Variants in NPHS1 observed in about 807,000 individuals in gnomAD.
NPHS1 encodes NPHS1 adhesion molecule, nephrin, also known as nephrin.
In NPHS1, 107 loss-of-function variants were observed where a neutral mutation model predicts 139.7. The observed-to-expected ratio is 0.77, with a 90% CI of 0.66 to 0.90. NPHS1 has a LOEUF of 0.90. Ranked by LOEUF, NPHS1 falls within the 40% of genes least tolerant of loss-of-function variation. The pLI is 0.00. For missense variants in NPHS1, 1,580 were observed against 1,654.2 expected (o/e 0.96, Z 0.78); for synonymous variants, 707 against 706.6 (o/e 1.00, Z -0.01).
At chr19:35,843,767 TC>T in intron 16 of NPHS1, 174 bp from the exon 17 acceptor site, 1 of 752,694 alleles carries the variant, frequency 1.3e-6, no homozygotes, top group Non-Finnish European at 2.1e-6. Context: ...TGAGGTTGTC[TC>T]CACCCTCCAC....
In NPHS1 at chr19:35,845,445, C is replaced by T. The variant is rs762869410; in HGVS notation, c.1853G>A (p.Gly618Asp). ...GTGGGCGCGGCAGGTCACGCGCTGG[C>T]CATGATCGCGGGATGACACTTGCAG... ...VLLQVSSRDHGQRVTCRAHSA... is the reference protein window; with the variant it reads ...VLLQVSSRDHDQRVTCRAHSA... Residue 618 changes from glycine (G) to aspartate (D), a missense_variant, in exon 14 of 29, where the codon GGC becomes GAC. Physicochemically the swap from Gly to Asp is moderately conservative, Grantham distance 94. Coordinates refer to ENST00000378910, the MANE Select transcript of NPHS1 (RefSeq NM_004646.4). The surrounding 1 kb of genome is among the most constrained non-coding windows in gnomAD (Gnocchi z 5.5). 3.7e-6 allele frequency: 6 copies of T among 1,614,176 alleles called. No individual in the cohort carries two copies. In the South Asian group the frequency reaches 5.5e-5, roughly 15 times the overall value.
At chr19:35,830,354 A>C (rs1013334930) in intron 28 of NPHS1, among the ~76,000 whole-genome samples, 11 of 152,318 alleles carry the variant, frequency 7.2e-5, no homozygotes, top group Admixed American at 5.9e-4. Flanking sequence ...TGGCTCATTC[A>C]TGTAGACTCG....
At position 35,848,329 on chromosome 19, in the gene NPHS1, C is replaced by A. The variant is rs1568455667; in HGVS notation, c.1239G>T (p.Leu413=). ...CACTGAAGGCCTCACATGTGAGGGT[C>A]AGACCGTTGTCCTCCCGCCGCGCCA... ...TFLARREDNG[L]TLTCEAFSEA... Residue 413 remains leucine, a synonymous_variant, in exon 10 of 29, where the codon CTG becomes CTT. Coordinates refer to ENST00000378910, the MANE Select transcript of NPHS1 (RefSeq NM_004646.4). 1 of 1,614,120 alleles carries A rather than the reference C, an allele frequency of 6.2e-7. No individual in the cohort carries two copies. The highest frequency in any genetic ancestry group is 1.1e-5 in the South Asian group (1 of 91,070).
At chr19:35,838,089 T>C (rs1344856250) in intron 22 of NPHS1, among the ~76,000 whole-genome samples, 3 of 150,314 alleles carry the variant, frequency 2.0e-5, no homozygotes, top group Admixed American at 6.7e-5. Flanking sequence ...CTGTCTCTAC[T>C]AAAAAATACA....
At position 35,839,558 on chromosome 19, in the gene NPHS1, G is replaced by A; in HGVS notation, c.2865C>T (p.His955=). Residue 955 remains histidine (H), a synonymous_variant, in exon 21 of 29, where the codon CAC becomes CAT. Coordinates refer to ENST00000378910, the MANE Select transcript of NPHS1 (RefSeq NM_004646.4). The part of the protein sequence containing the change: ...SGLKVVSLTP[H]SVGLEWKPGF... ...CAGGCTTCCACTCCAGCCCCACGGA[G>A]TGTGGGGTCAGACTCACAACCTTTA... 2 of 1,614,204 alleles carry A rather than the reference G, an allele frequency of 1.2e-6. No individual in the cohort carries two copies. The highest frequency in any genetic ancestry group is 1.1e-5 in the South Asian group (1 of 91,080).
chr19:35,832,404 C>T (rs1972896479), intron 23 of NPHS1, among the ~76,000 whole-genome samples: 1 of 152,034 alleles, frequency 6.6e-6, no homozygotes, highest in African/African-American at 2.4e-5. Context: ...AATTTAGCAG[C>T]ATGGTGGTGC....
At chr19:35,850,025 C>T (rs1568456676) in intron 5 of NPHS1, among the ~76,000 whole-genome samples, 2 of 152,216 alleles carry the variant, frequency 1.3e-5, no homozygotes, top group Non-Finnish European at 2.9e-5. Context: ...AAGTGATTCT[C>T]CTGCCTCAGC....
chr19:35,829,141 C>T (rs1382236308), intron 28 of NPHS1, among the ~76,000 whole-genome samples: 1 of 152,228 alleles, frequency 6.6e-6, no homozygotes, highest in Non-Finnish European at 1.5e-5. Flanking sequence ...TACTCTCAGC[C>T]CAGTGACCTG....
intron 23 of NPHS1, among the ~76,000 whole-genome samples, chr19:35,833,871 T>C (rs1053702886): frequency 6.6e-6 from 1 of 152,100 alleles, no homozygotes; most frequent in Non-Finnish European, 1.5e-5. Context: ...TAATTTTTTT[T>C]GTTTTTGTTT....
At position 35,825,651 on chromosome 19, in the gene NPHS1, T is replaced by C. The variant is rs965678751; in HGVS notation, c.*863A>G. ...TCTATAAACGAAAGCACACACACAG[T>C]ACATATTCTTTTCCTCTAGCTTCTT... On this transcript the variant is annotated 3_prime_UTR_variant, in exon 29 of 29. Transcript: ENST00000378910. Among the ~76,000 whole-genome samples the C allele has an allele frequency of 2.0e-5, 3 of 152,212 alleles. No individual in the cohort carries two copies. The highest frequency in any genetic ancestry group is 4.4e-5 in the Non-Finnish European group (3 of 68,046).
chr19:35,836,952 T>C (rs1485014009), intron 22 of NPHS1, among the ~76,000 whole-genome samples: 2 of 143,496 alleles, frequency 1.4e-5, no homozygotes, highest in East Asian at 4.1e-4. Flanking sequence ...GCCGAGATCA[T>C]GCCACTGTAC....
chr19:35,838,603 A>C (rs894850689), intron 22 of NPHS1, among the ~76,000 whole-genome samples: 2 of 151,668 alleles, frequency 1.3e-5, no homozygotes, highest in Non-Finnish European at 2.9e-5. Context: ...TGATTCTAGC[A>C]CTTTGGGAGG....
At chr19:35,835,880 G>A (rs914840559) in intron 22 of NPHS1, 119 bp from the exon 23 acceptor site, 44 of 827,734 alleles carry the variant, frequency 5.3e-5, no homozygotes, top group Non-Finnish European at 8.3e-5. Flanking sequence ...GACTGCTTAA[G>A]AATATTTCAA....
At chr19:35,843,914 C>A (rs1973095966) in intron 16 of NPHS1, 189 bp downstream of exon 16, 1 of 821,980 alleles carries the variant, frequency 1.2e-6, no homozygotes, top group Non-Finnish European at 1.9e-6. Flanking sequence ...GGCAGAGATT[C>A]CACACTGGGT....
At position 35,846,121 on chromosome 19, in the gene NPHS1, G is replaced by T; in HGVS notation, c.1514C>A (p.Ser505Tyr). The part of the protein sequence containing the change: ...RRVHLGSVEK[S>Y]GSTFSRELVL... ...CAGCTCTCGGGAGAAGGTGCTCCCA[G>T]ATTTCTCCACGCTGCCGAGATGCAC... is the stretch of plus-strand genomic sequence containing the variant. Residue 505 changes from serine to tyrosine, a missense_variant, in exon 12 of 29, where the codon TCT becomes TAT. Ser to Tyr is a moderately radical substitution (Grantham distance 144). Transcript: ENST00000378910. 6.3e-7 allele frequency: 1 copy of T among 1,598,016 alleles called. No individual in the cohort carries two copies. The highest frequency in any genetic ancestry group is 8.5e-7 in the Non-Finnish European group (1 of 1,173,300).
chr19:35,851,207 G>A (rs1973244233), intron 3 of NPHS1, 55 bp downstream of exon 3: 2 of 1,613,480 alleles, frequency 1.2e-6, no homozygotes, highest in Non-Finnish European at 1.7e-6. Context: ...GGGTTGCGGG[G>A]TAGGGGAGGG....
intron 23 of NPHS1, among the ~76,000 whole-genome samples, chr19:35,832,716 G>A (rs998354736): frequency 2.6e-5 from 4 of 151,522 alleles, no homozygotes; most frequent in African/African-American, 9.7e-5. Context: ...GTAAAACCCT[G>A]TCTCTACTAA....
Position 35,845,458 on chromosome 19 carries a change from A to T in NPHS1, c.1840T>A (p.Ser614Thr). ...GTCACGCGCTGGCCATGATCGCGGG[A>T]TGACACTTGCAGAAGGACGCTCCTG... ...AARSVLLQVS[S>T]RDHGQRVTCR... Residue 614 changes from serine to threonine, a missense_variant, in exon 14 of 29, where the codon TCC becomes ACC. Transcript: ENST00000378910. The surrounding 1 kb of genome is among the most constrained non-coding windows in gnomAD (Gnocchi z 5.5). 1 of 1,614,148 alleles carries T rather than the reference A, an allele frequency of 6.2e-7. No individual in the cohort carries two copies. The highest frequency in any genetic ancestry group is 8.5e-7 in the Non-Finnish European group (1 of 1,180,028).
chr19:35,832,269 C>T (rs187568774), intron 23 of NPHS1, among the ~76,000 whole-genome samples: 5 of 152,246 alleles, frequency 3.3e-5, no homozygotes, highest in South Asian at 2.1e-4. Context: ...CAAGGTCAGG[C>T]GCTGCAGCAC....
Sources: gnomAD v4.1 joint callset for allele counts (sites outside exome capture counted in the v4.1 genomes callset) on GRCh38, gnomAD v4.1.1 for gene constraint, Gnocchi (gnomAD v3.1) non-coding constraint, MANE v1.5 for transcripts, NCBI Gene and HGNC (gene_info 2026-07-23, HGNC 2026-07-21) for gene names.